The following MACROD2 variants were observed in gnomAD, a reference collection of about 807,000 sequenced individuals.
The protein encoded by MACROD2 is mono-ADP ribosylhydrolase 2.
A neutral mutation model predicts 70.4 loss-of-function variants in MACROD2; 36 were observed. That is an observed-to-expected ratio of 0.51 (90% CI 0.39 to 0.68). MACROD2 has a LOEUF of 0.68. Among genes scored for constraint, MACROD2 ranks in the 30% least tolerant of loss-of-function variants. MACROD2 has a pLI of 0.00. For synonymous variants in MACROD2, 172 were observed against 178.8 expected, an observed-to-expected ratio of 0.96 and a Z score of 0.30; for missense variants, 496 against 538.4, an observed-to-expected ratio of 0.92 and a Z score of 0.78.
chr20:14,882,098 G>C (rs932923237), intron 5 of MACROD2, among the ~76,000 whole-genome samples: 6 of 152,148 alleles, frequency 3.9e-5, no homozygotes, highest in African/African-American at 1.4e-4. Context: ...TCAAAGTAAG[G>C]AGTCAAGCTC....
chr20:15,273,838 G>A (rs940017583), intron 6 of MACROD2, among the ~76,000 whole-genome samples: 1 of 152,142 alleles, frequency 6.6e-6, no homozygotes. Context: ...TACAACTGTG[G>A]ACAATGTATT....
At chr20:14,310,464 C>T (rs1281495360) in intron 3 of MACROD2, among the ~76,000 whole-genome samples, 1 of 152,114 alleles carries the variant, frequency 6.6e-6, no homozygotes, top group Non-Finnish European at 1.5e-5. Flanking sequence ...GGTCATAGTG[C>T]AACGCAGTAC....
chr20:14,574,901 C>A (rs2123329033), intron 4 of MACROD2, among the ~76,000 whole-genome samples: 1 of 146,004 alleles, frequency 6.8e-6, no homozygotes, highest in East Asian at 2.0e-4. Flanking sequence ...GTCCCAGCTA[C>A]TGGGGAGGCT....
intron 3 of MACROD2, among the ~76,000 whole-genome samples, chr20:14,310,276 A>G (rs2082555018): frequency 1.3e-5 from 2 of 152,200 alleles, no homozygotes; most frequent in South Asian, 4.1e-4. Flanking sequence ...TTGAAGAACC[A>G]GACCTCTTGA....
intron 5 of MACROD2, among the ~76,000 whole-genome samples, chr20:15,191,931 T>TATATATATAGAGAG (rs150210305): frequency 7.0e-6 from 1 of 142,290 alleles, no homozygotes; most frequent in African/African-American, 2.6e-5. Flanking sequence ...TATATATATA[T>TATATATATAGAGAG]AGAGAGAGAG....
At chr20:15,275,138 C>T (rs527565089) in intron 6 of MACROD2, among the ~76,000 whole-genome samples, 15 of 152,308 alleles carry the variant, frequency 9.8e-5, no homozygotes, top group African/African-American at 3.6e-4. Flanking sequence ...CAGACCCACT[C>T]CTAGACATTC....
chr20:15,364,397 C>G (rs2146250845), intron 6 of MACROD2, among the ~76,000 whole-genome samples: 1 of 152,328 alleles, frequency 6.6e-6, no homozygotes, highest in Non-Finnish European at 1.5e-5. Context: ...TTTGTCAGTA[C>G]CTGTGCTTTG....
chr20:15,418,702 C>T (rs1007916847), intron 6 of MACROD2, among the ~76,000 whole-genome samples: 1 of 152,192 alleles, frequency 6.6e-6, no homozygotes, highest in Non-Finnish European at 1.5e-5. Context: ...GTTTAAAAAA[C>T]CTTCGGAGGC....
At chr20:14,521,805 T>C (rs1221282222) in intron 4 of MACROD2, among the ~76,000 whole-genome samples, 1 of 152,254 alleles carries the variant, frequency 6.6e-6, no homozygotes, top group Non-Finnish European at 1.5e-5. Context: ...TCTTATATTC[T>C]GACAACTAAT....
At chr20:15,115,380 C>T (rs2075984687) in intron 5 of MACROD2, among the ~76,000 whole-genome samples, 1 of 152,094 alleles carries the variant, frequency 6.6e-6, no homozygotes, top group Non-Finnish European at 1.5e-5. Context: ...CAGGTGTGCA[C>T]CACCATGCCC....
intron 8 of MACROD2, among the ~76,000 whole-genome samples, chr20:15,795,321 G>C (rs1377661693): frequency 6.6e-6 from 1 of 152,070 alleles, no homozygotes; most frequent in African/African-American, 2.4e-5. Context: ...ATAGATATCT[G>C]ACTAAAGGGG....
chr20:14,957,425 C>G (rs1211180099), intron 5 of MACROD2, among the ~76,000 whole-genome samples: 1 of 152,172 alleles, frequency 6.6e-6, no homozygotes, highest in Non-Finnish European at 1.5e-5. Flanking sequence ...AGAACAGGCA[C>G]ACTTTGGGAC....
At chr20:15,591,191 G>A (rs6135454) in intron 8 of MACROD2, among the ~76,000 whole-genome samples, 2 of 152,166 alleles carry the variant, frequency 1.3e-5, no homozygotes, top group Non-Finnish European at 2.9e-5. Flanking sequence ...CTCAGACAGA[G>A]AGAATGTGAT....
At chr20:14,881,430 G>A (rs1274858311) in intron 5 of MACROD2, among the ~76,000 whole-genome samples, 1 of 151,902 alleles carries the variant, frequency 6.6e-6, no homozygotes, top group East Asian at 1.9e-4. Context: ...ACTTCCCTGT[G>A]CCTCAGACTT....
chr20:15,874,493 G>T (rs1235448736), intron 9 of MACROD2, among the ~76,000 whole-genome samples: 2 of 152,094 alleles, frequency 1.3e-5, no homozygotes, highest in African/African-American at 4.8e-5. Flanking sequence ...TCGCCACACT[G>T]CCTTCCACAA....
At chr20:14,914,058 G>A (rs909145737) in intron 5 of MACROD2, among the ~76,000 whole-genome samples, 1 of 152,182 alleles carries the variant, frequency 6.6e-6, no homozygotes, top group Non-Finnish European at 1.5e-5. Context: ...GTTTCTGAAA[G>A]GAAATTCCCC....
In MACROD2 at chr20:14,831,096, G is replaced by A. The variant is rs1462787442; in HGVS notation, c.418+146137G>A. 2.0e-5 allele frequency among the ~76,000 whole-genome samples: 3 copies of A among 152,056 alleles called. No individual in the cohort carries two copies. The East Asian group carries it at 5.8e-4, about 30-fold the overall frequency. On this transcript the variant is annotated intron_variant, in intron 5 of 17. Transcript: ENST00000684519. ...TGCGAGCCTCACTTTGCTCACCTGG[G>A]TTTCCCCAAGTGTTGTGTTTCACCA...
intron 5 of MACROD2, among the ~76,000 whole-genome samples, chr20:15,192,502 G>A (rs116773517): frequency 0.013 from 1,947 of 152,226 alleles, 38 homozygotes; most frequent in African/African-American, 0.043. Flanking sequence ...TGAGGCAAAC[G>A]TGCTCCTACC....
chr20:15,260,264 A>G (rs2077236892), intron 6 of MACROD2, among the ~76,000 whole-genome samples: 1 of 150,478 alleles, frequency 6.6e-6, no homozygotes, highest in Non-Finnish European at 1.5e-5. Flanking sequence ...CCCATTAACC[A>G]TTCCCTCTTT....
Sources: gnomAD v4.1 joint callset for allele counts (sites outside exome capture counted in the v4.1 genomes callset) on GRCh38, gnomAD v4.1.1 for gene constraint, MANE v1.5 for transcripts, NCBI Gene and HGNC (gene_info 2026-07-23, HGNC 2026-07-21) for gene names.